CAPN14: variants seen among roughly 807,000 people sequenced by gnomAD.
CAPN14 encodes calpain 14, also known as calpain-14.
In CAPN14, 94 loss-of-function variants were observed where a neutral mutation model predicts 101.3. That is an observed-to-expected ratio of 0.93 (90% CI 0.79 to 1.10). CAPN14 has a LOEUF of 1.10. Among genes scored for constraint, CAPN14 ranks in the 50% least tolerant of loss-of-function variants. The pLI, the probability that CAPN14 is intolerant of heterozygous loss-of-function variation, is 0.00. For missense variants in CAPN14, 837 were observed against 828.4 expected (o/e 1.01, Z -0.13); for synonymous variants, 338 against 317.9 (o/e 1.06, Z -0.67).
At chr2:31,212,412 T>A (rs187809993) in intron 1 of CAPN14, among the ~76,000 whole-genome samples, 84 of 152,248 alleles carry the variant, frequency 5.5e-4, no homozygotes, top group Admixed American at 4.0e-3. Context: ...TAAATTTATA[T>A]AGAAAAACCA....
intron 16 of CAPN14, among the ~76,000 whole-genome samples, chr2:31,181,449 TTTC>T (rs1680615572): frequency 6.8e-6 from 1 of 146,642 alleles, no homozygotes; most frequent in African/African-American, 2.6e-5. Context: ...TTTCTTTTTC[TTTC>T]TTTTTTTCTC....
Position 31,193,154 on chromosome 2 carries a change from C to T in CAPN14, c.1091G>A (p.Gly364Asp). ...EGRWEKRSTA[G>D]GQRQLLQDTF... ...ACCCTGCAGCAACTGCCTCTGGCCA[C>T]CAGCTGTGCTCCGCTTCTCCCATCT... Residue 364 changes from glycine to aspartate, a missense_variant, in exon 10 of 22, where the codon GGT becomes GAT. Transcript: ENST00000403897. 9 of 1,550,950 alleles carry T rather than the reference C, an allele frequency of 5.8e-6. No homozygotes were observed. Among genetic ancestry groups the T allele is most frequent in the Non-Finnish European group, 7.8e-6 (9 of 1,146,938 alleles).
In CAPN14 at chr2:31,230,515, C is replaced by T. The variant is rs1038780377; in HGVS notation, c.-177+3276G>A. On this transcript the variant is annotated intron_variant and NMD_transcript_variant, in intron 1 of 21. Transcript: ENST00000398824. The surrounding 1 kb of genome is among the most constrained non-coding windows in gnomAD (Gnocchi z 4.3). ...AGCTCCCATTGCTCTACATCCTCAC[C>T]AACCCTACCATCCAACTTTTTATTC... Among the ~76,000 whole-genome samples, 1 of 152,218 alleles carries T rather than the reference C, an allele frequency of 6.6e-6. No individual in the cohort carries two copies. Among genetic ancestry groups the T allele is most frequent in the Non-Finnish European group, 1.5e-5 (1 of 68,042 alleles).
intron 1 of CAPN14, among the ~76,000 whole-genome samples, chr2:31,211,700 C>CACACAT (rs1553397697): frequency 6.7e-6 from 1 of 149,658 alleles, no homozygotes; most frequent in Non-Finnish European, 1.5e-5. Context: ...CACACACACA[C>CACACAT]GATGGGAAGA....
intron 12 of CAPN14, 31 bp from the exon 13 acceptor site, chr2:31,189,509 G>C (rs1681072197): frequency 1.3e-6 from 2 of 1,528,088 alleles, no homozygotes; most frequent in Non-Finnish European, 1.8e-6. Flanking sequence ...AACAGCAAGG[G>C]AGGTGATGAC....
chr2:31,215,739 C>G (rs993465077), intron 1 of CAPN14, among the ~76,000 whole-genome samples: 2 of 151,598 alleles, frequency 1.3e-5, no homozygotes, highest in South Asian at 4.2e-4. Flanking sequence ...GAAGACTTGG[C>G]CGGTCATTTT....
intron 15 of CAPN14, 39 bp downstream of exon 15, chr2:31,187,719 C>A: frequency 6.6e-7 from 1 of 1,515,582 alleles, no homozygotes; most frequent in Non-Finnish European, 9.0e-7. Context: ...ACTTCGTCCC[C>A]TGCTCTTCCT....
At chr2:31,191,322 T>C in intron 12 of CAPN14, 77 bp downstream of exon 12, 1 of 1,393,550 alleles carries the variant, frequency 7.2e-7, no homozygotes, top group African/African-American at 1.5e-5. Context: ...TGCTCCAGTC[T>C]AACTAAATCC....
chr2:31,197,809 G>A (rs1281837743), intron 7 of CAPN14, among the ~76,000 whole-genome samples: 2 of 152,174 alleles, frequency 1.3e-5, no homozygotes, highest in South Asian at 2.1e-4. Flanking sequence ...ATGGAGTTAT[G>A]TAGACCAAGC....
chr2:31,218,313 C>T (rs1057240918), upstream of CAPN14, among the ~76,000 whole-genome samples: 8 of 148,544 alleles, frequency 5.4e-5, no homozygotes, highest in African/African-American at 2.0e-4. Flanking sequence ...TTGGTTCCAG[C>T]TTGCCTGCCT....
chr2:31,221,174 C>T (rs1682852649), upstream of CAPN14, among the ~76,000 whole-genome samples: 1 of 152,178 alleles, frequency 6.6e-6, no homozygotes, highest in African/African-American at 2.4e-5. Context: ...AAAATAAACA[C>T]AGACAAGCTA....
chr2:31,180,265 A>C lies in CAPN14; in HGVS notation c.1710+671T>G, dbSNP rs970650996. ...TCATACAGCTGGTGACAGAGCTGGG[A>C]CCTGCTCCATGCCCGTGCACCTAAT... On this transcript the variant is annotated intron_variant, in intron 17 of 21. Coordinates refer to ENST00000403897, the MANE Select transcript of CAPN14 (RefSeq NM_001145122.2). Among the ~76,000 whole-genome samples, 5 of 152,276 alleles carry C rather than the reference A, an allele frequency of 3.3e-5. No individual in the cohort carries two copies. The South Asian group carries it at 6.2e-4, about 19-fold the overall frequency.
At chr2:31,232,146 C>A (rs1444851135) in intron 1 of CAPN14, among the ~76,000 whole-genome samples, 1 of 152,170 alleles carries the variant, frequency 6.6e-6, no homozygotes, top group African/African-American at 2.4e-5. Flanking sequence ...GCACTTCAAA[C>A]GCAACACGTT....
intron 17 of CAPN14, among the ~76,000 whole-genome samples, chr2:31,179,269 G>A (rs1399170706): frequency 2.0e-5 from 3 of 151,778 alleles, no homozygotes; most frequent in Non-Finnish European, 4.4e-5. Flanking sequence ...CCCCACACTT[G>A]TCCAGGTGTT....
chr2:31,184,369 C>T (rs1244758180), intron 16 of CAPN14, among the ~76,000 whole-genome samples: 2 of 152,210 alleles, frequency 1.3e-5, no homozygotes, highest in Admixed American at 6.5e-5. Context: ...TTGACTTTTG[C>T]TTTCCCTTCT....
chr2:31,221,302 G>C (rs1682856379), upstream of CAPN14, among the ~76,000 whole-genome samples: 1 of 152,178 alleles, frequency 6.6e-6, no homozygotes. Context: ...GCTCTGTCTG[G>C]GGAGGGCTTG....
intron 2 of CAPN14, among the ~76,000 whole-genome samples, chr2:31,222,596 C>T (rs1378228328): frequency 6.6e-6 from 1 of 152,086 alleles, no homozygotes; most frequent in Non-Finnish European, 1.5e-5. Flanking sequence ...ACATTTAGTC[C>T]AGGGGCTGGT....
chr2:31,206,021 A>ATTTTTTT lies in CAPN14; in HGVS notation c.-52-529_-52-523dup, dbSNP rs200116287. Among the ~76,000 whole-genome samples, 87 of 108,718 alleles carry ATTTTTTT rather than the reference A, an allele frequency of 8.0e-4. 10 individuals are homozygous for ATTTTTTT. Among genetic ancestry groups the ATTTTTTT allele is most frequent in the Non-Finnish European group, 1.2e-3 (60 of 49,818 alleles). The allele number at this position is 108,718 out of a possible 152,430, so 71.3% of individuals were successfully genotyped here. ...CAAAACCTCCTCCTACATTATCTTT[A>ATTTTTTT]TTTTTTTTATTTATTTATTTTTTTT... On this transcript the variant is annotated intron_variant, in intron 1 of 21. Coordinates refer to ENST00000403897, the MANE Select transcript of CAPN14 (RefSeq NM_001145122.2).
intron 12 of CAPN14, 51 bp downstream of exon 12, chr2:31,191,348 A>C: frequency 6.6e-7 from 1 of 1,526,316 alleles, no homozygotes; most frequent in East Asian, 2.5e-5. Flanking sequence ...AGGCTTGGCC[A>C]CATGTGATGT....
Sources: allele counts gnomAD v4.1 joint callset (sites outside exome capture counted in the v4.1 genomes callset), GRCh38; gene constraint gnomAD v4.1.1; non-coding constraint Gnocchi (gnomAD v3.1); transcripts MANE v1.5; gene names NCBI Gene and HGNC (gene_info 2026-07-23, HGNC 2026-07-21).